Variants in PODNL1 observed in about 807,000 individuals in gnomAD.
PODNL1 encodes podocan-like protein 1.
In PODNL1, 50 loss-of-function variants were observed where a neutral mutation model predicts 45.1. That is an observed-to-expected ratio of 1.11 (90% CI 0.88 to 1.40). The LOEUF (loss-of-function observed/expected upper bound fraction) is 1.40, where lower values mean the gene tolerates loss of function less well. Among genes scored for constraint, PODNL1 ranks in the 40% most tolerant of loss-of-function variants. The pLI is 0.00. For missense variants in PODNL1, 788 were observed against 793.3 expected (o/e 0.99, Z 0.08); for synonymous variants, 406 against 372.5 (o/e 1.09, Z -1.04).
exon 1 of PODNL1, chr19:13,953,194 C>G: frequency 6.8e-7 from 1 of 1,468,038 alleles, no homozygotes. Flanking sequence ...GTGAGAGTTA[C>G]CGAAGCAGGC....
chr19:13,934,857 TTGTG>T (rs369934301), intron 5 of PODNL1, among the ~76,000 whole-genome samples: 30 of 151,142 alleles, frequency 2.0e-4, no homozygotes, highest in African/African-American at 4.9e-4. Flanking sequence ...GTGCATGTGA[TTGTG>T]TGTGTGCAGC....
rs920789425 is a variant in PODNL1 at position 13,952,733 on chromosome 19, G to A, written c.18+386C>T. ...AGGGAGGAGGGCGTTCGCGGGGTGA[G>A]GGGTTGGGGGCGGGGCCCCAGGGGA... On this transcript the variant is annotated intron_variant, in intron 1 of 7. Transcript: ENST00000538371. 409 of 1,282,692 alleles carry A rather than the reference G, an allele frequency of 3.2e-4. 3 individuals are homozygous for A. The highest frequency in any genetic ancestry group is 3.9e-4 in the Non-Finnish European group (395 of 1,009,622). The allele number at this position is 1,282,692 out of a possible 1,614,324, so 79.5% of individuals were successfully genotyped here.
intron 1 of PODNL1, among the ~76,000 whole-genome samples, chr19:13,948,986 G>C (rs1021186762): frequency 6.7e-6 from 1 of 149,874 alleles, no homozygotes; most frequent in South Asian, 2.2e-4. Flanking sequence ...TAAAAACTTA[G>C]AGTTTATTTA....
At chr19:13,934,042 G>A (rs554384998) in intron 6 of PODNL1, 49 bp from the exon 7 acceptor site, 15 of 1,516,244 alleles carry the variant, frequency 9.9e-6, no homozygotes, top group African/African-American at 2.8e-5. Flanking sequence ...TGAGGGCAGC[G>A]GGAAGCCACA....
Position 13,935,724 on chromosome 19 carries a change from A to C in PODNL1, c.491T>G (p.Leu164Arg). The C allele has an allele frequency of 6.4e-7, 1 of 1,560,338 alleles. No homozygotes were observed. Among genetic ancestry groups the C allele is most frequent in the Non-Finnish European group, 8.6e-7 (1 of 1,157,428 alleles). The change falls in exon 5 of 10, where the codon CTC (leucine) becomes CGC (arginine). Residue 164 changes from leucine to arginine, a missense_variant. This residue lies in a region of PODNL1 where 762 missense variants were observed against 750.9 expected (regional missense o/e 1.01). Transcript: ENST00000588872. ...CCTGGGCTGGGCCAGGGTCTACCTG[A>C]GTGCCGGCTTCTCCCCAAAGGTGAG... is the stretch of plus-strand genomic sequence containing the variant. The part of the protein sequence containing the change: ...FPLTFGEKPA[L>R]RSVYLHNNQL...
chr19:13,936,418 G>A lies in PODNL1; in HGVS notation c.268C>T (p.Leu90Phe), dbSNP rs143442104. The A allele has an allele frequency of 6.3e-5, 101 of 1,613,480 alleles. No homozygotes were observed. Among genetic ancestry groups the A allele is most frequent in the Non-Finnish European group, 8.4e-5 (99 of 1,179,718 alleles). ...QELPYNELSR[L>F]SGLRTLNLHN... ...AGGTTGAGGGTTCGCAGGCCACTGAGGCGGGACAGCTCATTGTAGGGGAGT... is the reference window on the plus strand; with the variant it reads ...AGGTTGAGGGTTCGCAGGCCACTGAAGCGGGACAGCTCATTGTAGGGGAGT... Residue 90 changes from leucine to phenylalanine, a missense_variant, in exon 3 of 10, where the codon CTC becomes TTC. Around this residue, in one of 3 missense-constraint regions of PODNL1, gnomAD observed 762 missense variants for 750.9 expected, o/e 1.01. Coordinates refer to ENST00000588872, the MANE Select transcript of PODNL1 (RefSeq NM_001370095.3).
chr19:13,939,604 G>A (rs1227907849), upstream of PODNL1, among the ~76,000 whole-genome samples: 1 of 152,072 alleles, frequency 6.6e-6, no homozygotes, highest in African/African-American at 2.4e-5. Flanking sequence ...AAATTAGCCT[G>A]GGCTGGGCTC....
intron 5 of PODNL1, 123 bp from the exon 6 acceptor site, chr19:13,934,533 G>T: frequency 2.1e-6 from 2 of 957,798 alleles, no homozygotes; most frequent in Non-Finnish European, 2.9e-6. Flanking sequence ...GTGTGCGCGC[G>T]CATGTGTGGA....
intron 8 of PODNL1, 36 bp downstream of exon 8, chr19:13,932,762 C>G (rs1972035926): frequency 6.2e-7 from 1 of 1,612,734 alleles, no homozygotes; most frequent in Non-Finnish European, 8.5e-7. Flanking sequence ...ATGGAGGGGC[C>G]CTGGGGACAG....
At chr19:13,948,581 A>T (rs1015320719) in intron 1 of PODNL1, among the ~76,000 whole-genome samples, 10 of 150,338 alleles carry the variant, frequency 6.7e-5, no homozygotes, top group African/African-American at 2.4e-4. Flanking sequence ...CTCCCCCAAG[A>T]CTATTCCTGC....
At chr19:13,952,505 G>A (rs1973093060) in intron 1 of PODNL1, 4 of 1,250,722 alleles carry the variant, frequency 3.2e-6, no homozygotes, top group Admixed American at 4.2e-5. Flanking sequence ...TGGAGGGAGG[G>A]GGTGAAAATG....
intron 5 of PODNL1, 73 bp downstream of exon 5, chr19:13,935,648 T>G: frequency 1.7e-6 from 2 of 1,185,256 alleles, no homozygotes; most frequent in Non-Finnish European, 2.3e-6. Flanking sequence ...CTTAACTCCC[T>G]CATTGCTCCT....
chr19:13,950,338 C>G (rs1972957820), intron 1 of PODNL1, among the ~76,000 whole-genome samples: 1 of 152,012 alleles, frequency 6.6e-6, no homozygotes, highest in African/African-American at 2.4e-5. Context: ...CAGTGAATTT[C>G]TTTGATGTTT....
rs556156009 is a variant in PODNL1, at chr19:13,932,847, C to T, written c.1376G>A (p.Arg459Gln). The T allele has an allele frequency of 2.5e-5, 40 of 1,612,202 alleles. No homozygotes were observed. The highest frequency in any genetic ancestry group is 1.6e-4 in the Middle Eastern group (1 of 6,062). ...RELSLAHNRL[R>Q]VGDIGPGTWH... ...GGTGCCTGGCCCGATGTCGCCGACC[C>T]GGAGCCGGTTGTGCGCCAGGCTGAG... Residue 459 changes from arginine (R) to glutamine (Q), a missense_variant, in exon 8 of 10, where the codon CGG becomes CAG. Around this residue, in one of 3 missense-constraint regions of PODNL1, gnomAD observed 762 missense variants for 750.9 expected, o/e 1.01. Transcript: ENST00000588872.
At chr19:13,943,252 C>T (rs950404036), upstream of PODNL1, among the ~76,000 whole-genome samples, 16 of 151,372 alleles carry the variant, frequency 1.1e-4, no homozygotes, top group African/African-American at 3.6e-4. Context: ...GCTGAGATCG[C>T]GCCATTGCAC....
At chr19:13,936,542 G>A in intron 2 of PODNL1, 82 bp from the exon 3 acceptor site, 2 of 1,069,998 alleles carry the variant, frequency 1.9e-6, no homozygotes, top group Non-Finnish European at 2.9e-6. Context: ...CTTCCCATCA[G>A]CCCAAACCAG....
Position 13,934,367 on chromosome 19 carries a change from G to A in PODNL1, c.538C>T (p.Pro180Ser). The A allele has an allele frequency of 1.9e-6, 3 of 1,552,952 alleles. No homozygotes were observed. The highest frequency in any genetic ancestry group is 4.6e-5 in the East Asian group (2 of 43,414). ...HNNQLSNAGL[P>S]PDAFRGSEAI... ...TCGGAGCCGCGGAAGGCGTCGGGGG[G>A]CAGGCCAGCGTTGCTCAGCTGGTTG... is the stretch of plus-strand genomic sequence containing the variant. The change falls in exon 6 of 10, where the codon CCC becomes TCC. Residue 180 changes from proline to serine, a missense_variant. Pro to Ser is a moderately conservative substitution (Grantham distance 74). Transcript: ENST00000588872.
chr19:13,948,712 C>T (rs1426713047), intron 1 of PODNL1, among the ~76,000 whole-genome samples: 54 of 139,020 alleles, frequency 3.9e-4, no homozygotes, highest in East Asian at 2.2e-4. Context: ...GGGAGGATCA[C>T]GAGGTCAGGA....
chr19:13,953,023 T>A, intron 1 of PODNL1: 1 of 1,394,234 alleles, frequency 7.2e-7, no homozygotes, highest in Non-Finnish European at 9.9e-7. Flanking sequence ...TCCCGCCCCC[T>A]TTGCAGAGCC....
Sources: gnomAD v4.1 joint callset for allele counts (sites outside exome capture counted in the v4.1 genomes callset) on GRCh38, gnomAD v4.1.1 for gene constraint, gnomAD v4.1.1 regional missense constraint, MANE v1.5 for transcripts, NCBI Gene and HGNC (gene_info 2026-07-23, HGNC 2026-07-21) for gene names.